The following MSRB3 variants were observed in gnomAD, a reference collection of about 807,000 sequenced individuals.
MSRB3 encodes methionine sulfoxide reductase B3.
MSRB3 carries 13 observed loss-of-function variants against 21.0 expected under a neutral mutation model. The observed-to-expected ratio is 0.62, with a 90% confidence interval of 0.40 to 0.98. The LOEUF is 0.98. Among genes scored for constraint, MSRB3 ranks in the 50% least tolerant of loss-of-function variants. The pLI is 0.00. For synonymous variants in MSRB3, 87 were observed against 88.6 expected, an observed-to-expected ratio of 0.98 and a Z score of 0.10; for missense variants, 199 against 230.3, an observed-to-expected ratio of 0.86 and a Z score of 0.88.
chr12:65,284,005 A>G (rs1353251905), intron 1 of MSRB3: 1 of 152,228 alleles, frequency 6.6e-6, no homozygotes, highest in Admixed American at 6.6e-5. Context: ...GAGGACAGCA[A>G]CTCATACAGA....
chr12:65,399,329 G>T (rs372014220), intron 5 of MSRB3, among the ~76,000 whole-genome samples: 4 of 152,242 alleles, frequency 2.6e-5, no homozygotes, highest in Non-Finnish European at 5.9e-5. Context: ...CACAACCATT[G>T]TAAGTTGTTT....
At chr12:65,380,160 T>C (rs1480709022) in intron 5 of MSRB3, among the ~76,000 whole-genome samples, 2 of 152,060 alleles carry the variant, frequency 1.3e-5, no homozygotes, top group Admixed American at 1.3e-4. Context: ...GGGTAGAATA[T>C]GGATAGATAT....
intron 3 of MSRB3, among the ~76,000 whole-genome samples, chr12:65,328,150 G>A (rs946902189): frequency 2.0e-5 from 3 of 152,064 alleles, no homozygotes; most frequent in African/African-American, 7.2e-5. Flanking sequence ...TCCACTTGAA[G>A]TCTTGGACCC....
At chr12:65,304,688 C>T (rs1468600932) in intron 1 of MSRB3, among the ~76,000 whole-genome samples, 1 of 152,202 alleles carries the variant, frequency 6.6e-6, no homozygotes. Context: ...TTGCTCAATG[C>T]TGATTTCTAC....
At chr12:65,342,204 TA>T (rs147724993) in intron 4 of MSRB3, among the ~76,000 whole-genome samples, 6 of 146,694 alleles carry the variant, frequency 4.1e-5, no homozygotes, top group Admixed American at 2.1e-4. Context: ...AGTATATTAT[TA>T]AAAAAAAAAC....
At chr12:65,364,189 G>A (rs1592567063) in intron 4 of MSRB3, among the ~76,000 whole-genome samples, 1 of 152,086 alleles carries the variant, frequency 6.6e-6, no homozygotes, top group East Asian at 1.9e-4. Context: ...TTCCCTATAA[G>A]GGAATAACTC....
At chr12:65,442,295 G>T (rs1592641990) in intron 5 of MSRB3, among the ~76,000 whole-genome samples, 2 of 151,980 alleles carry the variant, frequency 1.3e-5, no homozygotes, top group East Asian at 3.9e-4. Context: ...TTTTCATCAG[G>T]TACATATATT....
chr12:65,348,465 A>T (rs976295801), intron 4 of MSRB3, among the ~76,000 whole-genome samples: 28 of 150,016 alleles, frequency 1.9e-4, no homozygotes, highest in African/African-American at 6.2e-4. Flanking sequence ...CATCTATTTG[A>T]TTCTTCTCTC....
At chr12:65,404,529 C>T (rs751387290) in intron 5 of MSRB3, among the ~76,000 whole-genome samples, 12 of 152,168 alleles carry the variant, frequency 7.9e-5, no homozygotes, top group Middle Eastern at 3.2e-3. Context: ...TACATTTATT[C>T]CTCCTAATGC....
At chr12:65,313,967 T>C (rs1325733159) in intron 2 of MSRB3, among the ~76,000 whole-genome samples, 8 of 152,196 alleles carry the variant, frequency 5.3e-5, no homozygotes, top group African/African-American at 1.9e-4. Context: ...CATAGGTGCA[T>C]TGTGAAAACT....
At chr12:65,453,975 G>C in intron 6 of MSRB3, 150 bp downstream of exon 6, 1 of 721,596 alleles carries the variant, frequency 1.4e-6, no homozygotes, top group South Asian at 1.5e-5. Flanking sequence ...CTATGTTCAG[G>C]TGTTTAGCAA....
At chr12:65,389,270 C>T (rs1371410415) in intron 5 of MSRB3, among the ~76,000 whole-genome samples, 1 of 152,128 alleles carries the variant, frequency 6.6e-6, no homozygotes. Flanking sequence ...AGCTGTGATT[C>T]CATTGTAAAT....
Position 65,303,760 on chromosome 12 carries a change from G to T in MSRB3, c.-51-4769G>T, listed in dbSNP as rs116369215. Among the ~76,000 whole-genome samples the T allele has an allele frequency of 6.6e-3, 1,004 of 152,264 alleles. 13 individuals are homozygous for T. Among genetic ancestry groups the T allele is most frequent in the African/African-American group, 0.022 (935 of 41,556 alleles). On this transcript the variant is annotated intron_variant, in intron 1 of 6. Coordinates refer to ENST00000308259, the MANE Select transcript of MSRB3 (RefSeq NM_001031679.3). ...TAAGCAAATCAGTGCCCTGAAAGTT[G>T]TTATAGGGGATGTGATAGCGTATTT...
In MSRB3 at chr12:65,463,370, TA is replaced by T. The variant is rs770116611; in HGVS notation, c.*55del. 19 of 1,602,064 alleles carry T rather than the reference TA, an allele frequency of 1.2e-5. No individual in the cohort carries two copies. Among genetic ancestry groups the T allele is most frequent in the Middle Eastern group, 1.7e-4 (1 of 6,030 alleles). On this transcript the variant is annotated 3_prime_UTR_variant, in exon 7 of 7. Transcript: ENST00000308259. ...AAAGTGTACTTAATGCACAGCTTAT[TA>T]AAAAAATCAAAATTGTTATCTTAAT...
Position 65,278,697 on chromosome 12 carries a change from C to G in MSRB3, c.-220C>G, listed in dbSNP as rs1871799518. 7.3e-7 allele frequency: 1 copy of G among 1,362,314 alleles called. No homozygotes were observed. The highest frequency in any genetic ancestry group is 1.0e-6 in the Non-Finnish European group (1 of 983,876). 84.4% of individuals were successfully genotyped at this position (1,362,314 alleles called of 1,614,324 possible). A position where few individuals can be genotyped will look rare whatever the true frequency, so the allele number is the denominator to read the frequency against. ...AATTTCCCGTCATGCCTCCCGCCGC[C>G]CCGTCCGTCGCCCGGAGCCGGGGAG... On this transcript the variant is annotated 5_prime_UTR_variant, in exon 1 of 7. Transcript: ENST00000308259.
intron 5 of MSRB3, chr12:65,419,686 AT>A: frequency 2.7e-6 from 2 of 749,364 alleles, no homozygotes; most frequent in East Asian, 2.5e-5. Context: ...GTGCTCCCAG[AT>A]TTTACTCTCC....
chr12:65,397,873 C>T (rs187955445), intron 5 of MSRB3, among the ~76,000 whole-genome samples: 1 of 152,238 alleles, frequency 6.6e-6, no homozygotes, highest in East Asian at 1.9e-4. Flanking sequence ...GTTTTCTGTT[C>T]CTGTGTTAGT....
At chr12:65,422,405 TATATATATATATATATATATATA>T (rs1881357177) in intron 5 of MSRB3, among the ~76,000 whole-genome samples, 6 of 34,238 alleles carry the variant, frequency 1.8e-4, no homozygotes, top group Admixed American at 9.0e-4. Flanking sequence ...TATATATATA[TATATATATATATATATATATATA>T]TATTTATTTA....
chr12:65,315,762 ATTTATGTATTAAC>A (rs1274354707), intron 2 of MSRB3, among the ~76,000 whole-genome samples: 10 of 151,836 alleles, frequency 6.6e-5, no homozygotes, highest in Non-Finnish European at 1.2e-4. Context: ...TAGAGTTTAA[ATTTATGTATTAAC>A]TTTTATGATA....
Sources: gnomAD v4.1 joint callset for allele counts (sites outside exome capture counted in the v4.1 genomes callset) on GRCh38, gnomAD v4.1.1 for gene constraint, MANE v1.5 for transcripts, NCBI Gene and HGNC (gene_info 2026-07-23, HGNC 2026-07-21) for gene names.